Variants in NRXN3 observed in about 807,000 individuals in gnomAD.
The protein encoded by NRXN3 is neurexin 3.
A neutral mutation model predicts 137.6 loss-of-function variants in NRXN3; 32 were observed. That is an observed-to-expected ratio of 0.23 (90% CI 0.18 to 0.31). The LOEUF (loss-of-function observed/expected upper bound fraction) is 0.31, where lower values mean the gene tolerates loss of function less well. Among genes scored for constraint, NRXN3 ranks in the 10% least tolerant of loss-of-function variants. NRXN3 has a pLI of 1.00. For missense variants in NRXN3, 1,574 were observed against 2,062.5 expected, an observed-to-expected ratio of 0.76 and a Z score of 4.59; for synonymous variants, 798 against 784.5, an observed-to-expected ratio of 1.02 and a Z score of -0.29.
At position 78,547,099 on chromosome 14, in the gene NRXN3, G is replaced by T. The variant is rs77377992; in HGVS notation, c.758-98021G>T. Among the ~76,000 whole-genome samples, 1,132 of 152,226 alleles carry T rather than the reference G, an allele frequency of 7.4e-3. 9 individuals carry two copies. Among genetic ancestry groups the T allele is most frequent in the Non-Finnish European group, 0.012 (850 of 68,024 alleles). ...GAGTTTATTTCTCGATTGTCTGTCT[G>T]CTCCCTGATCTTTTCATCTATTCCT... On this transcript the variant is annotated intron_variant, in intron 4 of 20. Coordinates refer to ENST00000335750, the MANE Select transcript of NRXN3 (RefSeq NM_001330195.2).
intron 20 of NRXN3, among the ~76,000 whole-genome samples, chr14:79,822,604 A>G (rs1370663830): frequency 6.6e-6 from 1 of 152,150 alleles, no homozygotes; most frequent in Non-Finnish European, 1.5e-5. Flanking sequence ...ATGTTGCCAC[A>G]TTAGATTGAG....
intron 4 of NRXN3, among the ~76,000 whole-genome samples, chr14:78,535,225 C>G (rs1171096016): frequency 6.6e-6 from 1 of 151,366 alleles, no homozygotes; most frequent in Non-Finnish European, 1.5e-5. Flanking sequence ...ATGAAGATAT[C>G]TAAGACTCTG....
At chr14:78,932,000 C>A (rs1267691312) in intron 10 of NRXN3, among the ~76,000 whole-genome samples, 1 of 152,072 alleles carries the variant, frequency 6.6e-6, no homozygotes, top group Non-Finnish European at 1.5e-5. Context: ...ATTAGCTGGG[C>A]ATGGTGGCAG....
chr14:78,599,849 C>T (rs1661003683), intron 4 of NRXN3, among the ~76,000 whole-genome samples: 1 of 152,172 alleles, frequency 6.6e-6, no homozygotes, highest in African/African-American at 2.4e-5. Flanking sequence ...AAAAGGGTCC[C>T]ATGAAAAGCT....
chr14:79,258,666 T>C (rs2077119171), intron 15 of NRXN3, among the ~76,000 whole-genome samples: 1 of 152,210 alleles, frequency 6.6e-6, no homozygotes, highest in Admixed American at 6.5e-5. Context: ...TCCAGTTTTA[T>C]ATGGAAGAGA....
intron 20 of NRXN3, among the ~76,000 whole-genome samples, chr14:79,816,703 A>G (rs919762089): frequency 6.6e-6 from 1 of 152,286 alleles, no homozygotes; most frequent in Admixed American, 6.5e-5. Context: ...TAACTTTTAA[A>G]CTCTAATGAA....
At chr14:79,279,884 T>C in intron 15 of NRXN3, 1 of 1,017,736 alleles carries the variant, frequency 9.8e-7, no homozygotes. Flanking sequence ...TGCCTCCTTC[T>C]CTTCCTTCAT....
intron 4 of NRXN3, among the ~76,000 whole-genome samples, chr14:78,432,576 G>A (rs1294272704): frequency 6.6e-6 from 1 of 152,212 alleles, no homozygotes; most frequent in African/African-American, 2.4e-5. Flanking sequence ...AGCCCAGAGA[G>A]TTTTGGTGGC....
intron 4 of NRXN3, among the ~76,000 whole-genome samples, chr14:78,643,425 G>C (rs1421069904): frequency 2.0e-5 from 3 of 152,136 alleles, no homozygotes; most frequent in Non-Finnish European, 4.4e-5. Context: ...ACCAACTCTG[G>C]TATGAAGTAG....
rs545918436 is a variant in NRXN3, at chr14:79,810,885, T to C, written c.4093+5695T>C. Among the ~76,000 whole-genome samples, 3 of 152,330 alleles carry C rather than the reference T, an allele frequency of 2.0e-5. No individual in the cohort carries two copies. The East Asian group carries it at 5.8e-4, about 29-fold the overall frequency. Reference sequence around the variant, plus strand: ...CAAGAGAAGTTTATACCAGAATTTATAGATAACAAGTAAATGTGCTGATTG... The same window carrying C: ...CAAGAGAAGTTTATACCAGAATTTACAGATAACAAGTAAATGTGCTGATTG... On this transcript the variant is annotated intron_variant, in intron 20 of 20. Transcript: ENST00000335750.
At chr14:79,623,931 ATTC>A (rs2098253584) in intron 16 of NRXN3, among the ~76,000 whole-genome samples, 1 of 138,192 alleles carries the variant, frequency 7.2e-6, no homozygotes, top group African/African-American at 2.9e-5. Flanking sequence ...TTTGTTAATC[ATTC>A]TTCTTCCACT....
intron 15 of NRXN3, among the ~76,000 whole-genome samples, chr14:79,435,649 G>A (rs866086350): frequency 1.2e-4 from 18 of 147,294 alleles, no homozygotes; most frequent in African/African-American, 3.8e-4. Flanking sequence ...TTGTTTGTTT[G>A]TTTTGAGACA....
At chr14:78,936,113 C>A (rs1213279421) in intron 10 of NRXN3, among the ~76,000 whole-genome samples, 1 of 152,184 alleles carries the variant, frequency 6.6e-6, no homozygotes, top group African/African-American at 2.4e-5. Flanking sequence ...ACATGCAGTC[C>A]ATCTATCTTT....
chr14:78,969,180 C>T (rs1393875720), intron 14 of NRXN3, among the ~76,000 whole-genome samples: 2 of 149,936 alleles, frequency 1.3e-5, no homozygotes, highest in East Asian at 3.9e-4. Context: ...TGCATGTCTA[C>T]CCATGCAGCA....
At chr14:78,835,137 G>A (rs944854808) in intron 10 of NRXN3, among the ~76,000 whole-genome samples, 8 of 152,132 alleles carry the variant, frequency 5.3e-5, no homozygotes, top group East Asian at 1.9e-4. Flanking sequence ...AGTCTTGGGC[G>A]TCTTAGGTTG....
chr14:78,308,569 T>C (rs1429716062), intron 4 of NRXN3, among the ~76,000 whole-genome samples: 24 of 152,108 alleles, frequency 1.6e-4, no homozygotes, highest in Admixed American at 1.6e-3. Context: ...AGAAGTGAGT[T>C]TGGAAAAGAA....
chr14:78,227,246 A>T (rs1472160701), intron 1 of NRXN3, among the ~76,000 whole-genome samples: 1 of 152,218 alleles, frequency 6.6e-6, no homozygotes, highest in Admixed American at 6.5e-5. Flanking sequence ...CTTATTCAGA[A>T]GCTTGAATTT....
chr14:78,537,006 T>C (rs918808291), intron 4 of NRXN3, among the ~76,000 whole-genome samples: 2 of 152,242 alleles, frequency 1.3e-5, no homozygotes, highest in African/African-American at 4.8e-5. Flanking sequence ...CAGTCTATCA[T>C]TGATGGACAT....
intron 16 of NRXN3, among the ~76,000 whole-genome samples, chr14:79,471,493 T>A (rs2096507308): frequency 6.6e-6 from 1 of 152,212 alleles, no homozygotes; most frequent in Non-Finnish European, 1.5e-5. Flanking sequence ...AATCCCTATG[T>A]ATTAAAATTT....
Sources: allele counts gnomAD v4.1 joint callset (sites outside exome capture counted in the v4.1 genomes callset), GRCh38; gene constraint gnomAD v4.1.1; transcripts MANE v1.5; gene names NCBI Gene and HGNC (gene_info 2026-07-23, HGNC 2026-07-21).